Variants in PTP4A2 observed in about 807,000 individuals in gnomAD.
The protein encoded by PTP4A2 is protein tyrosine phosphatase 4A2, also known as protein tyrosine phosphatase type IVA 2.
Under a neutral mutation model 22.9 loss-of-function variants are expected in PTP4A2, and 2 were observed. The ratio of observed to expected loss-of-function variants is 0.09; its 90% CI spans 0.04 to 0.27. PTP4A2 has a LOEUF of 0.27. Ranked by LOEUF, PTP4A2 falls within the 10% of genes least tolerant of loss-of-function variation. PTP4A2 has a pLI of 1.00. For missense variants in PTP4A2, 103 were observed against 205.1 expected, an observed-to-expected ratio of 0.50 and a Z score of 3.04; for synonymous variants, 68 against 69.1, an observed-to-expected ratio of 0.98 and a Z score of 0.08.
intron 1 of PTP4A2, among the ~76,000 whole-genome samples, chr1:31,925,856 C>G (rs1470560509): frequency 6.6e-6 from 1 of 151,212 alleles, no homozygotes; most frequent in Non-Finnish European, 1.5e-5. Flanking sequence ...TTTAAAATTC[C>G]TATCAATTGG....
chr1:31,910,221 G>T, intron 4 of PTP4A2, 109 bp from the exon 5 acceptor site: 1 of 714,556 alleles, frequency 1.4e-6, no homozygotes. Context: ...TCTTTTTCCT[G>T]TATACTAAAG....
chr1:31,923,569 C>T (rs920607829), intron 1 of PTP4A2, among the ~76,000 whole-genome samples: 6 of 151,650 alleles, frequency 4.0e-5, no homozygotes, highest in African/African-American at 1.5e-4. Context: ...CTCCTGACCT[C>T]GTGATCCGCC....
In PTP4A2 at chr1:31,910,236, T is replaced by C. The variant is rs545868361; in HGVS notation, c.321-124A>G. 77 of 677,710 alleles carry C rather than the reference T, an allele frequency of 1.1e-4. 2 individuals carry two copies. The South Asian group carries it at 1.3e-3, about 11-fold the overall frequency. 42.0% of individuals were successfully genotyped at this position (677,710 alleles called of 1,614,324 possible). A position where few individuals can be genotyped will look rare whatever the true frequency, so the allele number is the denominator to read the frequency against. ...TCTTTTTCCTGTATACTAAAGTAGC[T>C]GGTATCTGCCTAATACAGTAAATAT... On this transcript the variant is annotated intron_variant, in intron 4 of 5. Coordinates refer to ENST00000647444, the MANE Select transcript of PTP4A2 (RefSeq NM_080391.4).
In PTP4A2 at chr1:31,908,140, TTATATATATATATA is replaced by T. The variant is rs1204595576; in HGVS notation, c.*698_*711del. 4.7e-3 allele frequency: 2 copies of T among 424 alleles called. No individual in the cohort carries two copies. The highest frequency in any genetic ancestry group is 9.0e-3 in the Non-Finnish European group (2 of 222). 0.0% of individuals were successfully genotyped at this position (424 alleles called of 1,614,324 possible). ...TATATATATATATATATATATTATA[TTATATATATATATA>T]TATATATATATATATATATATATAT... is the stretch of plus-strand genomic sequence containing the variant. On this transcript the variant is annotated 3_prime_UTR_variant, in exon 6 of 6. Transcript: ENST00000647444.
intron 1 of PTP4A2, among the ~76,000 whole-genome samples, chr1:31,936,394 T>A (rs1444407891): frequency 6.6e-6 from 1 of 151,472 alleles, no homozygotes; most frequent in Non-Finnish European, 1.5e-5. Context: ...AGAGCGAGAC[T>A]CCATCTCAAA....
At chr1:31,920,405 T>G (rs888562799) in intron 1 of PTP4A2, among the ~76,000 whole-genome samples, 3 of 151,368 alleles carry the variant, frequency 2.0e-5, no homozygotes, top group African/African-American at 7.3e-5. Flanking sequence ...ATTGTGCCAC[T>G]GCACTCCAGT....
chr1:31,909,977 A>G (rs372009429), intron 5 of PTP4A2, 61 bp downstream of exon 5: 69 of 1,425,040 alleles, frequency 4.8e-5, no homozygotes, highest in Non-Finnish European at 6.6e-5. Context: ...CCCTTCCATA[A>G]TTCCTTCCTC....
At chr1:31,928,861 A>C (rs1328992829) in intron 1 of PTP4A2, among the ~76,000 whole-genome samples, 1 of 152,182 alleles carries the variant, frequency 6.6e-6, no homozygotes, top group Non-Finnish European at 1.5e-5. Context: ...AAAATGTCTT[A>C]ACATTTCAAA....
At chr1:31,916,345 C>CAAAAAAAAAAAA (rs1167002913) in intron 2 of PTP4A2, among the ~76,000 whole-genome samples, 1 of 35,446 alleles carries the variant, frequency 2.8e-5, no homozygotes, top group African/African-American at 7.9e-5. Flanking sequence ...ACTCCGTCTC[C>CAAAAAAAAAAAA]AAAAAAAAAA....
chr1:31,910,140 T>G, intron 4 of PTP4A2, 28 bp from the exon 5 acceptor site: 6 of 1,570,826 alleles, frequency 3.8e-6, no homozygotes, highest in Non-Finnish European at 4.4e-6. Flanking sequence ...TATGTAAGTA[T>G]CCATAAGTCT....
chr1:31,933,804 C>T (rs189809544), intron 1 of PTP4A2: 9 of 152,268 alleles, frequency 5.9e-5, no homozygotes, highest in Admixed American at 2.0e-4. Flanking sequence ...AAGAATACTA[C>T]TTACAGGATT....
At chr1:31,917,418 T>C (rs1034060389) in intron 2 of PTP4A2, among the ~76,000 whole-genome samples, 4 of 152,172 alleles carry the variant, frequency 2.6e-5, no homozygotes, top group South Asian at 4.1e-4. Flanking sequence ...TCAAGAAAGG[T>C]AGAAGTATTG....
intron 1 of PTP4A2, chr1:31,924,315 A>G (rs568931730): frequency 1.3e-5 from 2 of 152,348 alleles, no homozygotes; most frequent in Admixed American, 6.5e-5. Flanking sequence ...CAAAAGAAAC[A>G]GTATGTTCTA....
At chr1:31,927,096 G>C (rs59044348) in intron 1 of PTP4A2, among the ~76,000 whole-genome samples, 7,965 of 152,206 alleles carry the variant, frequency 0.052, 705 homozygotes, top group African/African-American at 0.18. Context: ...AAAAGCATTT[G>C]ACTTTTATTC....
At chr1:31,932,252 A>C (rs1288962944) in intron 1 of PTP4A2, among the ~76,000 whole-genome samples, 2 of 152,246 alleles carry the variant, frequency 1.3e-5, no homozygotes, top group Non-Finnish European at 1.5e-5. Context: ...GAGAAGACTA[A>C]AAGTTCAAAT....
chr1:31,918,985 G>A lies in PTP4A2; in HGVS notation c.81C>T (p.Leu27=). ...ACAATCTTACCTCTGTGAACTTGTT[G>A]AGAGTAGCATTGGTAGGGTTGTGAG... ...LITHNPTNAT[L]NKFTEELKKY... is the part of the protein sequence containing the mutation. Residue 27 remains leucine, a synonymous_variant, in exon 2 of 6, where the codon CTC becomes CTT. Coordinates refer to ENST00000647444, the MANE Select transcript of PTP4A2 (RefSeq NM_080391.4). 6.3e-7 allele frequency: 1 copy of A among 1,585,564 alleles called. No individual in the cohort carries two copies. The highest frequency in any genetic ancestry group is 1.7e-5 in the Admixed American group (1 of 59,956).
intron 1 of PTP4A2, among the ~76,000 whole-genome samples, chr1:31,926,928 T>C (rs1212411453): frequency 6.6e-6 from 1 of 152,012 alleles, no homozygotes; most frequent in Non-Finnish European, 1.5e-5. Context: ...AAACAGGTAT[T>C]TGGGGAGCAT....
Position 31,915,988 on chromosome 1 carries a change from CT to C in PTP4A2, c.97-2del. On this transcript the variant is annotated splice_acceptor_variant, in intron 2 of 5. Transcript: ENST00000647444. LOFTEE classifies it high-confidence loss of function. ...TCGTCACTCCATACTTCTTAAGTTC[CT>C]TTAAAAAAAAAAAAAATTATAATGG... is the stretch of plus-strand genomic sequence containing the variant. 2.3e-5 allele frequency: 36 copies of C among 1,541,340 alleles called. No individual in the cohort carries two copies. Among genetic ancestry groups the C allele is most frequent in the Middle Eastern group, 1.7e-4 (1 of 5,760 alleles).
intron 2 of PTP4A2, among the ~76,000 whole-genome samples, chr1:31,917,570 T>C (rs910294776): frequency 6.6e-6 from 1 of 152,174 alleles, no homozygotes. Flanking sequence ...TTGGTCTCAG[T>C]TTTCCCATCT....
Sources: gnomAD v4.1 joint callset for allele counts (sites outside exome capture counted in the v4.1 genomes callset) on GRCh38, gnomAD v4.1.1 for gene constraint, MANE v1.5 for transcripts, NCBI Gene and HGNC (gene_info 2026-07-23, HGNC 2026-07-21) for gene names.